The following MBNL2 variants were observed in gnomAD, a reference collection of about 807,000 sequenced individuals.
MBNL2 encodes muscleblind like splicing regulator 2.
MBNL2 carries 17 observed loss-of-function variants against 41.9 expected under a neutral mutation model. The observed-to-expected ratio is 0.41, with a 90% confidence interval of 0.28 to 0.61. The LOEUF is 0.61. Among genes scored for constraint, MBNL2 ranks in the 20% least tolerant of loss-of-function variants. The probability of loss-of-function intolerance (pLI) is 0.35; values close to 1 mark genes in which losing one functional copy is unlikely to be tolerated. For missense variants in MBNL2, 336 were observed against 505.6 expected (o/e 0.66, Z 3.22); for synonymous variants, 195 against 182.9 (o/e 1.07, Z -0.53).
Position 97,315,446 on chromosome 13 carries a change from A to T in MBNL2, c.175-18830A>T, listed in dbSNP as rs118044985. 2.1e-3 allele frequency among the ~76,000 whole-genome samples: 323 copies of T among 152,360 alleles called. 9 individuals carry two copies. The East Asian group carries it at 0.056, about 26-fold the overall frequency. ...CTTCTGCTCATGAGAAACTTACAAG[A>T]TAGGCCCAAGATGGGATCTGACATC... On this transcript the variant is annotated intron_variant, in intron 2 of 8. Transcript: ENST00000679496.
intron 2 of MBNL2, among the ~76,000 whole-genome samples, chr13:97,303,242 A>T (rs749787807): frequency 6.6e-6 from 1 of 152,254 alleles, no homozygotes; most frequent in African/African-American, 2.4e-5. Flanking sequence ...TTTCTTAAGT[A>T]TCTGGGGACA....
chr13:97,285,029 T>G (rs567354333), intron 2 of MBNL2, among the ~76,000 whole-genome samples: 3 of 150,430 alleles, frequency 2.0e-5, no homozygotes, highest in African/African-American at 5.0e-5. Flanking sequence ...AAGAAAGAAA[T>G]ATTTATCATG....
the MBNL2 span, among the ~76,000 whole-genome samples, chr13:97,178,328 T>A: frequency 1.3e-5 from 2 of 152,144 alleles, no homozygotes; most frequent in Non-Finnish European, 2.9e-5. Context: ...AGACAGTATG[T>A]GGAATAATTA....
chr13:97,379,031 C>T (rs1453993429), intron 8 of MBNL2, among the ~76,000 whole-genome samples: 1 of 152,148 alleles, frequency 6.6e-6, no homozygotes, highest in Non-Finnish European at 1.5e-5. Context: ...GTGAACCCAC[C>T]TTGTTTGAAT....
intron 8 of MBNL2, among the ~76,000 whole-genome samples, chr13:97,384,103 G>A (rs1051658467): frequency 3.3e-5 from 5 of 152,002 alleles, no homozygotes; most frequent in South Asian, 2.1e-4. Context: ...TTTCAACCAC[G>A]TTGGCCAGGC....
rs1283194870 is a variant in MBNL2 at position 97,346,483 on chromosome 13, C to A, written c.541-321C>A. The stretch of plus-strand genomic sequence containing the variant: ...TGGATGGATAGACAGACAGACAGAT[C>A]GATAGACAGCTGCATAATATGCTAC... On this transcript the variant is annotated intron_variant, in intron 4 of 8. Coordinates refer to ENST00000679496, the MANE Select transcript of MBNL2 (RefSeq NM_001382683.1). This position sits in a 1 kb window ranked among gnomAD's most constrained non-coding sequence, Gnocchi z 4.2. 6.6e-6 allele frequency among the ~76,000 whole-genome samples: 1 copy of A among 152,108 alleles called. No individual in the cohort carries two copies. The highest frequency in any genetic ancestry group is 1.5e-5 in the Non-Finnish European group (1 of 68,014).
At chr13:97,144,420 C>CTTTTTTTTTTTTTTT in the MBNL2 span, among the ~76,000 whole-genome samples, 2 of 87,606 alleles carry the variant, frequency 2.3e-5, no homozygotes, top group African/African-American at 1.1e-4. Flanking sequence ...AGACATGATA[C>CTTTTTTTTTTTTTTT]TTCTTTTTTT....
chr13:97,370,980 A>G (rs2064320304), intron 8 of MBNL2, among the ~76,000 whole-genome samples: 1 of 152,216 alleles, frequency 6.6e-6, no homozygotes, highest in Non-Finnish European at 1.5e-5. Flanking sequence ...AATCTGTCAA[A>G]GATGCCTATA....
At chr13:97,233,047 C>T (rs2042625542) in intron 1 of MBNL2, among the ~76,000 whole-genome samples, 1 of 145,284 alleles carries the variant, frequency 6.9e-6, no homozygotes, top group African/African-American at 2.6e-5. Context: ...TATGAGAATT[C>T]TTAGAGATCC....
chr13:97,199,352 A>T, the MBNL2 span, among the ~76,000 whole-genome samples: 1 of 152,004 alleles, frequency 6.6e-6, no homozygotes, highest in African/African-American at 2.4e-5. Flanking sequence ...TGGCCACTTC[A>T]TGTATTATAT....
chr13:97,314,327 C>G (rs1326323968), intron 2 of MBNL2, among the ~76,000 whole-genome samples: 1 of 152,194 alleles, frequency 6.6e-6, no homozygotes, highest in Non-Finnish European at 1.5e-5. Flanking sequence ...CCTATGAAAA[C>G]TTGTAAAGTT....
intron 1 of MBNL2, among the ~76,000 whole-genome samples, chr13:97,240,478 TA>T (rs928335525): frequency 1.3e-5 from 2 of 152,322 alleles, no homozygotes; most frequent in East Asian, 1.9e-4. Context: ...AAGATATAGT[TA>T]TCTGGGGTGG....
At chr13:97,380,436 G>A (rs2065334727) in intron 8 of MBNL2, among the ~76,000 whole-genome samples, 1 of 152,070 alleles carries the variant, frequency 6.6e-6, no homozygotes, top group Non-Finnish European at 1.5e-5. Flanking sequence ...AGAGGTTGCA[G>A]TGAGCCAAGA....
At chr13:97,290,802 G>A (rs930900749) in intron 2 of MBNL2, among the ~76,000 whole-genome samples, 1 of 152,134 alleles carries the variant, frequency 6.6e-6, no homozygotes, top group Non-Finnish European at 1.5e-5. Flanking sequence ...AGAAAACATT[G>A]TGATGGGGGA....
intron 1 of MBNL2, among the ~76,000 whole-genome samples, chr13:97,253,901 A>G (rs2152850026): frequency 6.6e-6 from 1 of 151,348 alleles, no homozygotes; most frequent in South Asian, 2.1e-4. Flanking sequence ...TACAATTTTT[A>G]TTTATTTGTT....
At chr13:97,312,724 T>A (rs1349067945) in intron 2 of MBNL2, among the ~76,000 whole-genome samples, 1 of 152,222 alleles carries the variant, frequency 6.6e-6, no homozygotes, top group Non-Finnish European at 1.5e-5. Flanking sequence ...TTACTACTCA[T>A]ATGTTTTCAA....
At chr13:97,190,312 G>T in the MBNL2 span, among the ~76,000 whole-genome samples, 1 of 152,186 alleles carries the variant, frequency 6.6e-6, no homozygotes, top group African/African-American at 2.4e-5. Context: ...TGAAGACCAG[G>T]ATACTGATAC....
intron 8 of MBNL2, among the ~76,000 whole-genome samples, chr13:97,388,017 T>A (rs368422695): frequency 6.6e-6 from 1 of 152,058 alleles, no homozygotes; most frequent in Non-Finnish European, 1.5e-5. Flanking sequence ...TAGGGAACTT[T>A]GGGCACCAGC....
intron 1 of MBNL2, among the ~76,000 whole-genome samples, chr13:97,242,038 A>G (rs1281249646): frequency 6.6e-6 from 1 of 152,098 alleles, no homozygotes; most frequent in Non-Finnish European, 1.5e-5. Flanking sequence ...TGCCTTCTGA[A>G]GCAACAAGGA....
Sources: gnomAD v4.1 joint callset for allele counts (sites outside exome capture counted in the v4.1 genomes callset) on GRCh38, gnomAD v4.1.1 for gene constraint, Gnocchi (gnomAD v3.1) non-coding constraint, MANE v1.5 for transcripts, NCBI Gene and HGNC (gene_info 2026-07-23, HGNC 2026-07-21) for gene names.